Variants in GPC6 observed in about 807,000 individuals in gnomAD.
GPC6 encodes glypican-6.
GPC6 carries 14 observed loss-of-function variants against 55.2 expected under a neutral mutation model. The ratio of observed to expected loss-of-function variants is 0.25; its 90% CI spans 0.17 to 0.40. The LOEUF is 0.40. Ranked by LOEUF, GPC6 falls within the 10% of genes least tolerant of loss-of-function variation. The pLI is 1.00. For missense variants in GPC6, 641 were observed against 708.5 expected, an observed-to-expected ratio of 0.90 and a Z score of 1.08; for synonymous variants, 278 against 259.6, an observed-to-expected ratio of 1.07 and a Z score of -0.68.
intron 3 of GPC6, among the ~76,000 whole-genome samples, chr13:93,918,535 T>G (rs1270426734): frequency 6.6e-6 from 1 of 152,166 alleles, no homozygotes; most frequent in East Asian, 1.9e-4. Context: ...TTCTCCAATG[T>G]CCCACATTAA....
intron 1 of GPC6, among the ~76,000 whole-genome samples, chr13:93,517,684 A>G (rs1217656946): frequency 1.3e-5 from 2 of 151,976 alleles, no homozygotes; most frequent in East Asian, 1.9e-4. Flanking sequence ...TGACCATTTC[A>G]TAGGTTTGTT....
chr13:94,238,198 A>G (rs1366201383), intron 4 of GPC6, among the ~76,000 whole-genome samples: 2 of 152,134 alleles, frequency 1.3e-5, no homozygotes, highest in East Asian at 3.9e-4. Context: ...ATTAATGTCA[A>G]GTGGGCATTG....
intron 4 of GPC6, among the ~76,000 whole-genome samples, chr13:94,049,248 CAAA>C (rs776241623): frequency 1.4e-5 from 2 of 138,284 alleles, no homozygotes; most frequent in African/African-American, 2.7e-5. Context: ...GATCTTATCT[CAAA>C]AAAAAAAAAA....
Position 93,461,844 on chromosome 13 carries a change from A to G in GPC6, c.161-83419A>G, listed in dbSNP as rs1878704738. ...GCCTTTTTAAAAATCTCTTCTTTGC[A>G]TTTCCCTCTTTACGTTATCTCATTC... On this transcript the variant is annotated intron_variant, in intron 1 of 8. Transcript: ENST00000377047. 1.3e-5 allele frequency among the ~76,000 whole-genome samples: 2 copies of G among 152,114 alleles called. 1 individual carries two copies.
intron 2 of GPC6, among the ~76,000 whole-genome samples, chr13:93,749,572 A>G (rs1409896815): frequency 1.3e-5 from 2 of 152,106 alleles, no homozygotes; most frequent in Admixed American, 1.3e-4. Context: ...AATAATTTAT[A>G]CTTAAACAGT....
chr13:93,645,210 A>T (rs997167291), intron 2 of GPC6, among the ~76,000 whole-genome samples: 2 of 151,712 alleles, frequency 1.3e-5, no homozygotes, highest in African/African-American at 4.8e-5. Context: ...TTAATTTTTC[A>T]TGATACCTTA....
At chr13:93,534,489 C>T (rs1319054429) in intron 1 of GPC6, among the ~76,000 whole-genome samples, 1 of 152,074 alleles carries the variant, frequency 6.6e-6, no homozygotes, top group African/African-American at 2.4e-5. Flanking sequence ...CCTGCAGAGG[C>T]TTGCTTGTGG....
intron 4 of GPC6, among the ~76,000 whole-genome samples, chr13:94,182,265 T>C (rs1034662948): frequency 6.6e-6 from 1 of 152,038 alleles, no homozygotes; most frequent in Non-Finnish European, 1.5e-5. Flanking sequence ...CAGAAACTGA[T>C]TTGCAGAAAG....
At chr13:94,030,230 C>T (rs574222605) in intron 4 of GPC6, among the ~76,000 whole-genome samples, 9 of 152,142 alleles carry the variant, frequency 5.9e-5, no homozygotes, top group Admixed American at 5.2e-4. Context: ...AGGATGGTCT[C>T]GATTTCCTGA....
At chr13:93,259,668 G>T (rs1387213049) in intron 1 of GPC6, among the ~76,000 whole-genome samples, 3 of 152,052 alleles carry the variant, frequency 2.0e-5, no homozygotes, top group African/African-American at 7.2e-5. Context: ...TCTAGGGTAG[G>T]AGACATCCAT....
intron 4 of GPC6, among the ~76,000 whole-genome samples, chr13:94,256,156 C>T (rs1891497675): frequency 6.6e-6 from 1 of 152,136 alleles, no homozygotes; most frequent in Non-Finnish European, 1.5e-5. Context: ...GGATCTCAGA[C>T]ATAAAACTTG....
intron 4 of GPC6, among the ~76,000 whole-genome samples, chr13:94,174,295 A>C (rs891947303): frequency 6.6e-6 from 1 of 152,174 alleles, no homozygotes; most frequent in Non-Finnish European, 1.5e-5. Flanking sequence ...AGGGACAACC[A>C]AAAGGGGAAA....
At chr13:94,337,439 T>C (rs1296758307) in intron 6 of GPC6, among the ~76,000 whole-genome samples, 2 of 133,992 alleles carry the variant, frequency 1.5e-5, no homozygotes, top group East Asian at 4.1e-4. Context: ...ATGATATACA[T>C]TTTTTTTCTT....
chr13:93,696,830 G>T (rs888391980), intron 2 of GPC6, among the ~76,000 whole-genome samples: 2 of 151,848 alleles, frequency 1.3e-5, no homozygotes, highest in Admixed American at 6.6e-5. Context: ...CACCATGTTG[G>T]CCAGGCTGGT....
At chr13:94,392,121 T>G (rs1880672360) in intron 7 of GPC6, among the ~76,000 whole-genome samples, 2 of 152,190 alleles carry the variant, frequency 1.3e-5, no homozygotes, top group Admixed American at 1.3e-4. Flanking sequence ...CTCAAGTCCT[T>G]GCCTTTCATT....
At chr13:94,077,865 G>C (rs1043482111) in intron 4 of GPC6, among the ~76,000 whole-genome samples, 1 of 151,730 alleles carries the variant, frequency 6.6e-6, no homozygotes, top group Non-Finnish European at 1.5e-5. Context: ...TATTGAATTT[G>C]GTTAGGTAGT....
chr13:94,026,320 T>G (rs936474617), intron 3 of GPC6, among the ~76,000 whole-genome samples: 1 of 152,154 alleles, frequency 6.6e-6, no homozygotes, highest in Admixed American at 6.5e-5. Context: ...ATAGCTATAG[T>G]AATTGAAAGT....
chr13:94,293,209 C>T (rs1875094246), intron 5 of GPC6, among the ~76,000 whole-genome samples: 1 of 152,146 alleles, frequency 6.6e-6, no homozygotes, highest in African/African-American at 2.4e-5. Flanking sequence ...GAATACAATA[C>T]AGAATGCTTT....
chr13:93,598,961 C>A (rs1020938435), intron 2 of GPC6, among the ~76,000 whole-genome samples: 1 of 152,162 alleles, frequency 6.6e-6, no homozygotes, highest in Non-Finnish European at 1.5e-5. Context: ...TTTTTGGTCA[C>A]CACTGTGTCT....
Sources: gnomAD v4.1 joint callset for allele counts (sites outside exome capture counted in the v4.1 genomes callset) on GRCh38, gnomAD v4.1.1 for gene constraint, MANE v1.5 for transcripts, NCBI Gene and HGNC (gene_info 2026-07-23, HGNC 2026-07-21) for gene names.